Variants in CHD7 observed in about 807,000 individuals in gnomAD.
CHD7 encodes the protein chromodomain helicase DNA binding protein 7, also known as ATP-dependent chromatin remodeler CHD7.
In CHD7, 24 loss-of-function variants were observed where a neutral mutation model predicts 307.3. The ratio of observed to expected loss-of-function variants is 0.08; its 90% CI spans 0.06 to 0.11. The LOEUF (loss-of-function observed/expected upper bound fraction) is 0.11. Ranked by LOEUF, CHD7 falls within the 10% of genes least tolerant of loss-of-function variation. The probability of loss-of-function intolerance (pLI) is 1.00; values close to 1 mark genes in which losing one functional copy is unlikely to be tolerated. For missense variants in CHD7, 3,106 were observed against 3,727.1 expected, an observed-to-expected ratio of 0.83 and a Z score of 4.34; for synonymous variants, 1,363 against 1,349.9, an observed-to-expected ratio of 1.01 and a Z score of -0.21.
In CHD7 at chr8:60,821,791, C is replaced by G. The variant is rs755233517; in HGVS notation, c.2699C>G (p.Pro900Arg). ...CTGATTTATTTAAATCTGGTCCAGC[C>G]TGTGACTCACTATCTGGTGAAGTGG... Reference protein sequence around the residue: ...FARSTDDRGEPVTHYLVKWCS... With the variant: ...FARSTDDRGERVTHYLVKWCS... The change falls in exon 10 of 38, where the codon CCT (proline) becomes CGT (arginine). Residue 900 changes from proline (P) to arginine (R), a missense_variant and splice_region_variant. By Grantham distance (103) the Pro-to-Arg change is moderately radical. Coordinates refer to ENST00000423902, the MANE Select transcript of CHD7 (RefSeq NM_017780.4). The G allele has an allele frequency of 3.2e-6, 5 of 1,555,914 alleles. No homozygotes were observed. In the East Asian group the frequency reaches 1.2e-4, roughly 38 times the overall value.
intron 3 of CHD7, among the ~76,000 whole-genome samples, chr8:60,786,626 T>A (rs1473141037): frequency 8.5e-5 from 13 of 152,158 alleles, no homozygotes; most frequent in African/African-American, 2.7e-4. Context: ...AAAGGGAGAT[T>A]TTTCTGGAGA....
chr8:60,826,318 G>A (rs572463365), intron 13 of CHD7, among the ~76,000 whole-genome samples: 1 of 152,250 alleles, frequency 6.6e-6, no homozygotes, highest in East Asian at 1.9e-4. Flanking sequence ...TAATGATGAA[G>A]AATTTTTATT....
At chr8:60,809,439 A>G (rs1812689493) in intron 7 of CHD7, 1 of 152,200 alleles carries the variant, frequency 6.6e-6, no homozygotes, top group Non-Finnish European at 1.5e-5. Flanking sequence ...TTGTAGATTT[A>G]CCAAATTGAA....
chr8:60,781,347 G>T lies in CHD7; in HGVS notation c.2013G>T (p.Pro671=), dbSNP rs1361271759. The change falls in exon 3 of 38, where the codon CCG becomes CCT. Residue 671 remains proline, a synonymous_variant. Coordinates refer to ENST00000423902, the MANE Select transcript of CHD7 (RefSeq NM_017780.4). ...AAGAGCCCAAGGAACCCAAGACCCC[G>T]AAAGCCCCTAAGATTCCCAAAGAGC... ...EKKEPKEPKT[P]KAPKIPKEPK... 2.6e-6 allele frequency: 4 copies of T among 1,567,620 alleles called. No homozygotes were observed. In the East Asian group the frequency reaches 9.4e-5, roughly 37 times the overall value.
Position 60,741,906 on chromosome 8 carries a change from C to T in CHD7, c.474C>T (p.Ala158=), listed in dbSNP as rs1056527329. Residue 158 remains alanine (A), a synonymous_variant, in exon 2 of 38, where the codon GCC becomes GCT. Transcript: ENST00000423902. The part of the protein sequence containing the change: ...RAVQVPDQIR[A]PYQQQQPQPQ... Reference sequence around the variant, plus strand: ...TTCAGGTACCAGACCAGATACGAGCCCCCTACCAGCAGCAGCAGCCACAGC... The same window carrying T: ...TTCAGGTACCAGACCAGATACGAGCTCCCTACCAGCAGCAGCAGCCACAGC... 4.3e-6 allele frequency: 7 copies of T among 1,613,048 alleles called. No individual in the cohort carries two copies. Among genetic ancestry groups the T allele is most frequent in the Non-Finnish European group, 5.9e-6 (7 of 1,179,636 alleles).
At chr8:60,858,478 T>A (rs1040567619) in intron 34 of CHD7, among the ~76,000 whole-genome samples, 2 of 152,228 alleles carry the variant, frequency 1.3e-5, no homozygotes, top group Admixed American at 1.3e-4. Flanking sequence ...TGTTTGAAAC[T>A]ACTTCTTTGA....
chr8:60,738,008 A>G (rs1222748111), intron 1 of CHD7, among the ~76,000 whole-genome samples: 2 of 152,236 alleles, frequency 1.3e-5, no homozygotes, highest in Non-Finnish European at 2.9e-5. Context: ...GTTAATTTTT[A>G]TGTAACACCA....
At chr8:60,798,866 CTTA>C (rs1025249139) in intron 4 of CHD7, among the ~76,000 whole-genome samples, 2 of 152,072 alleles carry the variant, frequency 1.3e-5, no homozygotes, top group African/African-American at 4.8e-5. Context: ...GTTATTTCTC[CTTA>C]TTAATTAGCT....
chr8:60,690,641 C>T (rs1806148066), intron 1 of CHD7, among the ~76,000 whole-genome samples: 1 of 152,188 alleles, frequency 6.6e-6, no homozygotes, highest in South Asian at 2.1e-4. Context: ...TTAATAAGGA[C>T]ACAATTCAAG....
rs546054059 is a variant in CHD7 at position 60,829,338 on chromosome 8, G to A, written c.3522+532G>A. ...GCTTGGGCCAGGCGCGGTGGCTTAC[G>A]CCTGTAATCCCAGCACTTTGAGAGG... On this transcript the variant is annotated intron_variant, in intron 14 of 37. Transcript: ENST00000423902. Among the ~76,000 whole-genome samples the A allele has an allele frequency of 9.2e-5, 14 of 152,316 alleles. No homozygotes were observed. The East Asian group carries it at 2.5e-3, about 27-fold the overall frequency.
chr8:60,838,024 A>G, intron 18 of CHD7, 52 bp from the exon 19 acceptor site: 3 of 1,373,940 alleles, frequency 2.2e-6, no homozygotes, highest in Non-Finnish European at 2.9e-6. Context: ...TTAGTCTGCA[A>G]ACCTCTTAAT....
rs74602758 is a variant in CHD7 at position 60,773,945 on chromosome 8, C to T, written c.1666-7055C>T. Among the ~76,000 whole-genome samples, 1,381 of 152,234 alleles carry T rather than the reference C, an allele frequency of 9.1e-3. 15 individuals are homozygous for T. Among genetic ancestry groups the T allele is most frequent in the Non-Finnish European group, 0.016 (1,069 of 68,006 alleles). ...GAGTTCTTCCCTGACCCTTTGAAGG[C>T]AAAAATCTCAAATTTGTATTAAATT... On this transcript the variant is annotated intron_variant, in intron 2 of 37. Coordinates refer to ENST00000423902, the MANE Select transcript of CHD7 (RefSeq NM_017780.4).
chr8:60,861,054 A>G lies in CHD7; in HGVS notation c.7759A>G (p.Lys2587Glu), dbSNP rs1437286695. ...GTRLVGEDAP[K>E]NKDLVEWLKL... ...TAGGCTGGTGGGGGAAGATGCTCCT[A>G]AAAATAAGGATTTAGTTGAATGGCT... is the stretch of plus-strand genomic sequence containing the variant. Residue 2587 changes from lysine (K) to glutamate (E), a missense_variant, in exon 35 of 38, where the codon AAA becomes GAA. Lys to Glu is a moderately conservative substitution (Grantham distance 56, BLOSUM62 1). Transcript: ENST00000423902. 6.2e-7 allele frequency: 1 copy of G among 1,613,828 alleles called. No individual in the cohort carries two copies. The highest frequency in any genetic ancestry group is 8.5e-7 in the Non-Finnish European group (1 of 1,179,824).
At chr8:60,772,208 A>G (rs879359150) in intron 2 of CHD7, among the ~76,000 whole-genome samples, 3 of 152,270 alleles carry the variant, frequency 2.0e-5, no homozygotes, top group East Asian at 3.9e-4. Flanking sequence ...TAACTTTATC[A>G]CTATGCTCCT....
At chr8:60,830,624 C>G (rs1250902663) in intron 15 of CHD7, 47 bp downstream of exon 15, 2 of 1,592,936 alleles carry the variant, frequency 1.3e-6, no homozygotes. Context: ...GATTGAAGCA[C>G]CAGAAATCCC....
At chr8:60,845,964 T>TTA (rs773149244) in intron 23 of CHD7, among the ~76,000 whole-genome samples, 2 of 152,218 alleles carry the variant, frequency 1.3e-5, no homozygotes, top group African/African-American at 2.4e-5. Flanking sequence ...GAATCACAGA[T>TTA]TATTTGTCCT....
chr8:60,787,324 G>A (rs911419650), intron 3 of CHD7, among the ~76,000 whole-genome samples: 3 of 152,104 alleles, frequency 2.0e-5, no homozygotes, highest in Non-Finnish European at 4.4e-5. Context: ...CTAGGGAGGG[G>A]GTTCTGACTG....
intron 1 of CHD7, among the ~76,000 whole-genome samples, chr8:60,710,524 G>A (rs1807238738): frequency 6.6e-6 from 1 of 152,172 alleles, no homozygotes. Flanking sequence ...AAAACTCAGT[G>A]TCTTTTCTGT....
At chr8:60,799,524 A>G (rs1812194486) in intron 4 of CHD7, among the ~76,000 whole-genome samples, 1 of 152,220 alleles carries the variant, frequency 6.6e-6, no homozygotes, top group African/African-American at 2.4e-5. Flanking sequence ...CTCTTCAGAA[A>G]TTTTCAGAGT....
Sources: gnomAD v4.1 joint callset for allele counts (sites outside exome capture counted in the v4.1 genomes callset) on GRCh38, gnomAD v4.1.1 for gene constraint, MANE v1.5 for transcripts, NCBI Gene and HGNC (gene_info 2026-07-23, HGNC 2026-07-21) for gene names.